Variants in KIAA0408 observed in about 807,000 individuals in gnomAD.
KIAA0408 encodes KIAA0408.
Under a neutral mutation model 60.9 loss-of-function variants are expected in KIAA0408, and 51 were observed. The observed-to-expected ratio is 0.84, with a 90% CI of 0.67 to 1.06. KIAA0408 has a LOEUF of 1.06. Among genes scored for constraint, KIAA0408 ranks in the 50% least tolerant of loss-of-function variants. The pLI is 0.00. For missense variants in KIAA0408, 787 were observed against 833.9 expected (o/e 0.94, Z 0.69); for synonymous variants, 304 against 282.4 (o/e 1.08, Z -0.77).
Position 127,438,645 on chromosome 6 carries a change from A to C in KIAA0408, c.*5464T>G, listed in dbSNP as rs1193119122. On this transcript the variant is annotated 3_prime_UTR_variant, in exon 6 of 6. Transcript: ENST00000483725. ...GTATGATCTATTGCTCCTAGGCTAC[A>C]AACCTGTACAGCATGTTACTGTACT... is the stretch of plus-strand genomic sequence containing the variant. The C allele has an allele frequency of 6.6e-6, 1 of 152,210 alleles. No homozygotes were observed. Among genetic ancestry groups the C allele is most frequent in the Non-Finnish European group, 1.5e-5 (1 of 68,048 alleles). The allele number at this position is 152,210 out of a possible 1,614,324, so 9.4% of individuals were successfully genotyped here.
chr6:127,455,478 G>A (rs1390256314), intron 1 of KIAA0408, among the ~76,000 whole-genome samples: 1 of 152,088 alleles, frequency 6.6e-6, no homozygotes, highest in African/African-American at 2.4e-5. Flanking sequence ...ATACATATCT[G>A]ACTAGTAAAC....
At chr6:127,444,369 C>A in intron 5 of KIAA0408, 87 bp from the exon 6 acceptor site, 4 of 996,182 alleles carry the variant, frequency 4.0e-6, no homozygotes, top group South Asian at 5.0e-5. Flanking sequence ...TAAGATTAGT[C>A]CGTTAGTAAA....
In KIAA0408 at chr6:127,438,453, A is replaced by C. The variant is rs1773054496; in HGVS notation, c.*5656T>G. ...TGATTCTTATAAAATTGCCATGAGT[A>C]AGTAATTGAAAAATAAAGCTTCAAA... On this transcript the variant is annotated 3_prime_UTR_variant, in exon 6 of 6. Coordinates refer to ENST00000483725, the MANE Select transcript of KIAA0408 (RefSeq NM_014702.5). The C allele has an allele frequency of 6.6e-6, 1 of 150,592 alleles. No individual in the cohort carries two copies. The highest frequency in any genetic ancestry group is 6.6e-5 in the Admixed American group (1 of 15,194). 9.3% of individuals were successfully genotyped at this position (150,592 alleles called of 1,614,324 possible).
rs998761817 is a variant in KIAA0408 at position 127,438,545 on chromosome 6, G to A, written c.*5564C>T. 2.0e-5 allele frequency: 3 copies of A among 152,114 alleles called. No individual in the cohort carries two copies. The highest frequency in any genetic ancestry group is 2.4e-5 in the African/African-American group (1 of 41,416). The allele number at this position is 152,114 out of a possible 1,614,324, so 9.4% of individuals were successfully genotyped here. On this transcript the variant is annotated 3_prime_UTR_variant, in exon 6 of 6. Coordinates refer to ENST00000483725, the MANE Select transcript of KIAA0408 (RefSeq NM_014702.5). ...ACAACAGGGATATGATCTGAGAAACGTGTTCTCAGGTGATTTCATCACTGA... is the reference window on the plus strand; with the variant it reads ...ACAACAGGGATATGATCTGAGAAACATGTTCTCAGGTGATTTCATCACTGA...
Position 127,447,759 on chromosome 6 carries a change from T to C in KIAA0408, c.579-19A>G, listed in dbSNP as rs1475571009. ...CTTCATCCTAAACAATGATAAAACA[T>C]GGTGTATTGGTTATAACTTTATTTA... On this transcript the variant is annotated intron_variant, in intron 4 of 5. Transcript: ENST00000483725. The C allele has an allele frequency of 3.3e-6, 5 of 1,514,780 alleles. No individual in the cohort carries two copies. Among genetic ancestry groups the C allele is most frequent in the Non-Finnish European group, 3.5e-6 (4 of 1,137,856 alleles). 93.8% of individuals were successfully genotyped at this position (1,514,780 alleles called of 1,614,324 possible). A position where few individuals can be genotyped will look rare whatever the true frequency, so the allele number is the denominator to read the frequency against.
Position 127,448,338 on chromosome 6 carries a change from G to T in KIAA0408, c.579-598C>A, listed in dbSNP as rs191209002. Among the ~76,000 whole-genome samples the T allele has an allele frequency of 9.1e-4, 139 of 152,240 alleles. 2 individuals carry two copies. Among genetic ancestry groups the T allele is most frequent in the Non-Finnish European group, 8.7e-4 (59 of 68,012 alleles). On this transcript the variant is annotated intron_variant, in intron 4 of 5. Transcript: ENST00000483725. Reference sequence around the variant, plus strand: ...AAAGGCAAAAGGATTAAATACTATGGCTACTCGAAGGAAAATGAGTACTTT... The same window carrying T: ...AAAGGCAAAAGGATTAAATACTATGTCTACTCGAAGGAAAATGAGTACTTT...
Position 127,456,912 on chromosome 6 carries a change from T to G in KIAA0408, c.-121+2263A>C, listed in dbSNP as rs185513387. Among the ~76,000 whole-genome samples the G allele has an allele frequency of 3.9e-3, 591 of 152,194 alleles. 7 individuals carry two copies. The highest frequency in any genetic ancestry group is 0.026 in the South Asian group (125 of 4,824). ...AAATACTTGGTTCTTGTTTTCTTCC[T>G]TCTGTCCTTTGTTCCCTCCCTTCCT... is the stretch of plus-strand genomic sequence containing the variant. On this transcript the variant is annotated intron_variant, in intron 1 of 5. Coordinates refer to ENST00000483725, the MANE Select transcript of KIAA0408 (RefSeq NM_014702.5).
intron 1 of KIAA0408, among the ~76,000 whole-genome samples, chr6:127,456,066 G>A (rs1306262629): frequency 6.6e-6 from 1 of 152,118 alleles, no homozygotes; most frequent in African/African-American, 2.4e-5. Flanking sequence ...AAAACTATAC[G>A]TAATTAACTG....
At position 127,441,687 on chromosome 6, in the gene KIAA0408, A is replaced by T. The variant is rs1773110011; in HGVS notation, c.*2422T>A. 1 of 152,236 alleles carries T rather than the reference A, an allele frequency of 6.6e-6. No individual in the cohort carries two copies. The highest frequency in any genetic ancestry group is 2.4e-5 in the African/African-American group (1 of 41,458). 9.4% of individuals were successfully genotyped at this position (152,236 alleles called of 1,614,324 possible). A position where few individuals can be genotyped will look rare whatever the true frequency, so the allele number is the denominator to read the frequency against. On this transcript the variant is annotated 3_prime_UTR_variant, in exon 6 of 6. Coordinates refer to ENST00000483725, the MANE Select transcript of KIAA0408 (RefSeq NM_014702.5). ...ACCTAAAGTAGAAATTTACCAGTTAAAAATCACAAAACATCAAAAACTATT... is the reference window on the plus strand; with the variant it reads ...ACCTAAAGTAGAAATTTACCAGTTATAAATCACAAAACATCAAAAACTATT...
chr6:127,447,300 A>G lies in KIAA0408; in HGVS notation c.1019T>C (p.Leu340Ser), dbSNP rs747077287. 1.2e-6 allele frequency: 2 copies of G among 1,614,038 alleles called. No individual in the cohort carries two copies. The highest frequency in any genetic ancestry group is 1.7e-5 in the Admixed American group (1 of 59,976). The stretch of plus-strand genomic sequence containing the variant: ...GCTATCTATTTTGACTTCTGGTACC[A>G]AAGAGGAAAAGATGATACCATCTTT... ...TSKDGIIFSS[L>S]VPEVKIDSKP... The change falls in exon 5 of 6, where the codon TTG (leucine) becomes TCG (serine). Residue 340 changes from leucine to serine, a missense_variant. Physicochemically the swap from Leu to Ser is moderately radical, Grantham distance 145. Transcript: ENST00000483725.
At position 127,449,865 on chromosome 6, in the gene KIAA0408, A is replaced by ATAAT. The variant is rs779517773; in HGVS notation, c.531_534dup (p.Cys179IlefsTer13). ...TTTCGAATTTCCTCTTGAAAGCTGC[A>ATAAT]TAATTCTTCACTCACCTTCGCAAGT... On this transcript the variant is annotated frameshift_variant, in exon 4 of 6. Coordinates refer to ENST00000483725, the MANE Select transcript of KIAA0408 (RefSeq NM_014702.5). LOFTEE classifies it high-confidence loss of function. 2 of 1,614,096 alleles carry ATAAT rather than the reference A, an allele frequency of 1.2e-6. No homozygotes were observed. Among genetic ancestry groups the ATAAT allele is most frequent in the Non-Finnish European group, 1.7e-6 (2 of 1,179,968 alleles).
intron 1 of KIAA0408, among the ~76,000 whole-genome samples, chr6:127,455,293 G>A (rs906804142): frequency 6.6e-6 from 1 of 152,046 alleles, no homozygotes; most frequent in Non-Finnish European, 1.5e-5. Flanking sequence ...TGCTAATTAC[G>A]GACAAAGATC....
In KIAA0408 at chr6:127,453,910, C is replaced by A. The variant is rs755134956; in HGVS notation, c.72G>T (p.Gln24His). 1 of 1,612,982 alleles carries A rather than the reference C, an allele frequency of 6.2e-7. No homozygotes were observed. Among genetic ancestry groups the A allele is most frequent in the Admixed American group, 1.7e-5 (1 of 59,950 alleles). ...CCCATTCCTTTCTTTCATTGTCAAACTGGTCCAGTAATTCCATCTTTTCCT... is the reference window on the plus strand; with the variant it reads ...CCCATTCCTTTCTTTCATTGTCAAAATGGTCCAGTAATTCCATCTTTTCCT... The part of the protein sequence containing the change: ...WHKEKMELLD[Q>H]FDNERKEWES... Residue 24 changes from glutamine to histidine, a missense_variant, in exon 2 of 6, where the codon CAG becomes CAT. This residue lies in a region of KIAA0408 where 640 missense variants were observed against 681.3 expected (regional missense o/e 0.94). Transcript: ENST00000483725.
rs1402215612 is a variant in KIAA0408 at position 127,443,455 on chromosome 6, G to T, written c.*654C>A. On this transcript the variant is annotated 3_prime_UTR_variant, in exon 6 of 6. Coordinates refer to ENST00000483725, the MANE Select transcript of KIAA0408 (RefSeq NM_014702.5). ...AACTTGTGACATTTTTATTTAAAAA[G>T]AATAAACAAGAATATCAATGGTATT... The T allele has an allele frequency of 1.3e-5, 2 of 152,014 alleles. No homozygotes were observed. Among genetic ancestry groups the T allele is most frequent in the African/African-American group, 4.8e-5 (2 of 41,390 alleles). The allele number at this position is 152,014 out of a possible 1,614,324, so 9.4% of individuals were successfully genotyped here.
At position 127,446,658 on chromosome 6, in the gene KIAA0408, G is replaced by C. The variant is rs964026065; in HGVS notation, c.1661C>G (p.Ala554Gly). The change falls in exon 5 of 6, where the codon GCT (alanine) becomes GGT (glycine). Residue 554 changes from alanine (A) to glycine (G), a missense_variant. Ala to Gly is a moderately conservative substitution (Grantham distance 60, BLOSUM62 0). Transcript: ENST00000483725. The stretch of plus-strand genomic sequence containing the variant: ...AACACCATAATTTGACCTGGGATCA[G>C]CTGACCTCGGACGGCCAGACAAATT... ...PSNLSGRPRSADPRSNYGVVE... is the reference protein window; with the variant it reads ...PSNLSGRPRSGDPRSNYGVVE... The C allele has an allele frequency of 1.2e-6, 2 of 1,613,966 alleles. No homozygotes were observed. Among genetic ancestry groups the C allele is most frequent in the Non-Finnish European group, 1.7e-6 (2 of 1,180,006 alleles).
At position 127,453,832 on chromosome 6, in the gene KIAA0408, CAAATT is replaced by C. The variant is rs1196957980; in HGVS notation, c.135+10_135+14del. The C allele has an allele frequency of 1.9e-6, 3 of 1,609,064 alleles. No individual in the cohort carries two copies. The stretch of plus-strand genomic sequence containing the variant: ...CTTAAACATTACAGTATATCCAAAA[CAAATT>C]AAAGTGTACCTCTTCTATTTTCTTC... On this transcript the variant is annotated intron_variant, in intron 2 of 5. Transcript: ENST00000483725.
intron 2 of KIAA0408, among the ~76,000 whole-genome samples, chr6:127,452,179 C>T (rs1773313283): frequency 6.6e-6 from 1 of 152,120 alleles, no homozygotes; most frequent in Non-Finnish European, 1.5e-5. Context: ...TATGTGCATA[C>T]CTGGGAATCT....
intron 4 of KIAA0408, 150 bp downstream of exon 4, chr6:127,449,672 A>C: frequency 9.1e-7 from 1 of 1,094,858 alleles, no homozygotes; most frequent in Non-Finnish European, 1.3e-6. Context: ...GAGCAAACAA[A>C]AAATTAAAGT....
chr6:127,458,278 A>G (rs1430971697), intron 1 of KIAA0408, among the ~76,000 whole-genome samples: 2 of 152,136 alleles, frequency 1.3e-5, no homozygotes, highest in Non-Finnish European at 2.9e-5. Flanking sequence ...ATTCCTCTCT[A>G]TTGTTCACTT....
Sources: gnomAD v4.1 joint callset for allele counts (sites outside exome capture counted in the v4.1 genomes callset) on GRCh38, gnomAD v4.1.1 for gene constraint, gnomAD v4.1.1 regional missense constraint, MANE v1.5 for transcripts, NCBI Gene and HGNC (gene_info 2026-07-23, HGNC 2026-07-21) for gene names.